The following ST18 variants were observed in gnomAD, a reference collection of about 807,000 sequenced individuals.
ST18 encodes the protein suppression of tumorigenicity 18 protein.
ST18 carries 50 observed loss-of-function variants against 110.0 expected under a neutral mutation model. That is an observed-to-expected ratio of 0.45 (90% CI 0.36 to 0.58). The LOEUF (loss-of-function observed/expected upper bound fraction) is 0.58. ST18 is among the 20% of genes least tolerant of loss of function. The probability of loss-of-function intolerance (pLI) is 0.00; values close to 1 mark genes in which losing one functional copy is unlikely to be tolerated. For synonymous variants in ST18, 461 were observed against 452.4 expected, an observed-to-expected ratio of 1.02 and a Z score of -0.24; for missense variants, 1,306 against 1,280.1, an observed-to-expected ratio of 1.02 and a Z score of -0.31.
chr8:52,116,110 T>C (rs1341273315), intron 25 of ST18, among the ~76,000 whole-genome samples, 165 bp downstream of exon 25: 1 of 152,168 alleles, frequency 6.6e-6, no homozygotes, highest in Non-Finnish European at 1.5e-5. Flanking sequence ...TCTACCATGT[T>C]CCCAGAGAGG....
chr8:52,200,201 T>A (rs944504241), intron 8 of ST18, among the ~76,000 whole-genome samples: 7 of 152,120 alleles, frequency 4.6e-5, no homozygotes, highest in African/African-American at 1.7e-4. Context: ...AAAGACAGAT[T>A]AGGAACAAAG....
intron 10 of ST18, chr8:52,171,474 C>A: frequency 2.3e-6 from 1 of 434,178 alleles, no homozygotes. Context: ...CCAGTAAATA[C>A]TGATGTACTT....
intron 2 of ST18, among the ~76,000 whole-genome samples, chr8:52,275,970 T>G (rs973086257): frequency 7.7e-6 from 1 of 130,396 alleles, no homozygotes; most frequent in Non-Finnish European, 1.7e-5. Flanking sequence ...ACACACCATA[T>G]GCATACCACA....
At chr8:52,318,352 C>T (rs2096065637) in intron 2 of ST18, among the ~76,000 whole-genome samples, 1 of 152,040 alleles carries the variant, frequency 6.6e-6, no homozygotes, top group Admixed American at 6.6e-5. Flanking sequence ...AATGAGATAC[C>T]ATCTTACACC....
At chr8:52,144,339 T>A (rs2056429957) in intron 16 of ST18, among the ~76,000 whole-genome samples, 1 of 152,110 alleles carries the variant, frequency 6.6e-6, no homozygotes, top group African/African-American at 2.4e-5. Context: ...ATAATTTTTT[T>A]AAATTAAATG....
At chr8:52,217,076 C>G (rs558886081) in intron 6 of ST18, among the ~76,000 whole-genome samples, 8 of 152,160 alleles carry the variant, frequency 5.3e-5, no homozygotes, top group Non-Finnish European at 8.8e-5. Flanking sequence ...AAGACTTGAT[C>G]GTCTTTACTG....
intron 2 of ST18, chr8:52,294,625 C>CTT (rs1436251732): frequency 6.6e-6 from 1 of 152,254 alleles, no homozygotes; most frequent in Admixed American, 6.5e-5. Flanking sequence ...GCATTTTAGC[C>CTT]TTGGCAGGCT....
At chr8:52,331,361 A>G (rs531969436) in intron 2 of ST18, among the ~76,000 whole-genome samples, 2 of 151,828 alleles carry the variant, frequency 1.3e-5, no homozygotes, top group African/African-American at 4.8e-5. Flanking sequence ...ATATGCATAT[A>G]TCTATGCACA....
intron 2 of ST18, among the ~76,000 whole-genome samples, chr8:52,395,946 TGTATGCC>T (rs1276921743): frequency 6.6e-6 from 1 of 152,202 alleles, no homozygotes; most frequent in Non-Finnish European, 1.5e-5. Flanking sequence ...ACACAGAATC[TGTATGCC>T]CATATATTTA....
intron 8 of ST18, among the ~76,000 whole-genome samples, chr8:52,192,994 A>T (rs530349800): frequency 6.6e-6 from 1 of 152,288 alleles, no homozygotes; most frequent in East Asian, 1.9e-4. Flanking sequence ...CAGGATATAT[A>T]TAGCACCCAA....
At chr8:52,183,054 A>G (rs1423778313) in intron 8 of ST18, among the ~76,000 whole-genome samples, 1 of 152,214 alleles carries the variant, frequency 6.6e-6, no homozygotes, top group Non-Finnish European at 1.5e-5. Flanking sequence ...TAGTGGGGCC[A>G]ATATTTGAAT....
intron 9 of ST18, among the ~76,000 whole-genome samples, chr8:52,176,544 C>G (rs867304335): frequency 1.3e-5 from 2 of 152,156 alleles, no homozygotes; most frequent in Non-Finnish European, 2.9e-5. Flanking sequence ...TTTCTCCATC[C>G]GGAGCACATT....
intron 2 of ST18, among the ~76,000 whole-genome samples, chr8:52,264,238 T>A (rs1220399214): frequency 6.6e-6 from 1 of 152,190 alleles, no homozygotes; most frequent in Non-Finnish European, 1.5e-5. Context: ...GAACATTAAG[T>A]AATAAGATTT....
chr8:52,406,225 A>G (rs1407133287), intron 2 of ST18: 3 of 152,236 alleles, frequency 2.0e-5, no homozygotes, highest in Non-Finnish European at 4.4e-5. Context: ...AACCTTTCAC[A>G]AACAACAGGA....
Position 52,115,070 on chromosome 8 carries a change from T to C in ST18, c.3003+1205A>G, listed in dbSNP as rs539795156. On this transcript the variant is annotated intron_variant, in intron 25 of 25. Transcript: ENST00000689386. ...TAGTGGTATCATTTATTTTGCTTTGTGTTCATTATTACATTATTGATTTTT... is the reference window on the plus strand; with the variant it reads ...TAGTGGTATCATTTATTTTGCTTTGCGTTCATTATTACATTATTGATTTTT... Among the ~76,000 whole-genome samples the C allele has an allele frequency of 3.3e-5, 5 of 152,366 alleles. No individual in the cohort carries two copies. In the South Asian group the frequency reaches 6.2e-4, roughly 19 times the overall value.
intron 8 of ST18, among the ~76,000 whole-genome samples, chr8:52,198,172 A>G (rs1335662738): frequency 1.3e-5 from 2 of 151,938 alleles, no homozygotes; most frequent in Non-Finnish European, 2.9e-5. Context: ...ACGCCTGGCT[A>G]ATTTTTGTAT....
intron 2 of ST18, among the ~76,000 whole-genome samples, chr8:52,262,824 C>T (rs939043000): frequency 2.0e-5 from 3 of 152,220 alleles, no homozygotes; most frequent in African/African-American, 4.8e-5. Flanking sequence ...GACTTCCCTC[C>T]ATTTACTGAA....
At chr8:52,263,543 G>A (rs2094764691) in intron 2 of ST18, among the ~76,000 whole-genome samples, 1 of 150,338 alleles carries the variant, frequency 6.7e-6, no homozygotes, top group South Asian at 2.1e-4. Flanking sequence ...ATATCTTGGT[G>A]TTCTCATTTT....
At chr8:52,252,213 T>C (rs971564105) in intron 2 of ST18, among the ~76,000 whole-genome samples, 5 of 152,040 alleles carry the variant, frequency 3.3e-5, no homozygotes, top group Non-Finnish European at 7.4e-5. Flanking sequence ...TGCAATTTGG[T>C]TATAGGAGTA....
Sources: allele counts gnomAD v4.1 joint callset (sites outside exome capture counted in the v4.1 genomes callset), GRCh38; gene constraint gnomAD v4.1.1; transcripts MANE v1.5; gene names NCBI Gene and HGNC (gene_info 2026-07-23, HGNC 2026-07-21).